COL6A6: variants seen among roughly 807,000 people sequenced by gnomAD.
COL6A6 encodes collagen alpha-6(VI) chain.
Under a neutral mutation model 208.6 loss-of-function variants are expected in COL6A6, and 183 were observed. The ratio of observed to expected loss-of-function variants is 0.88; its 90% confidence interval spans 0.78 to 0.99. The LOEUF is 0.99. Ranked by LOEUF, COL6A6 falls within the 50% of genes least tolerant of loss-of-function variation. COL6A6 has a pLI of 0.00. For missense variants in COL6A6, 2,816 were observed against 2,815.2 expected, an observed-to-expected ratio of 1.00 and a Z score of -0.01; for synonymous variants, 973 against 1,011.8, an observed-to-expected ratio of 0.96 and a Z score of 0.73.
chr3:130,634,978 T>C (rs1034733210), intron 27 of COL6A6, among the ~76,000 whole-genome samples: 2 of 152,218 alleles, frequency 1.3e-5, no homozygotes, highest in Non-Finnish European at 2.9e-5. Flanking sequence ...CTCATGCCTG[T>C]AATCCCAGCA....
At chr3:130,568,694 T>TA in intron 6 of COL6A6, 90 bp downstream of exon 6, 1 of 1,211,748 alleles carries the variant, frequency 8.3e-7, no homozygotes, top group Non-Finnish European at 1.1e-6. Context: ...TATTTACATA[T>TA]TGTAAACTTT....
At position 130,649,198 on chromosome 3, in the gene COL6A6, G is replaced by A. The variant is rs1475527039; in HGVS notation, c.5369G>A (p.Arg1790Gln). The change falls in exon 33 of 37, where the codon CGG (arginine) becomes CAG (glutamine). Residue 1790 changes from arginine (R) to glutamine (Q), a missense_variant. Transcript: ENST00000358511. ...TTCCTGGTGAGAGACATTAAGGTCCGGGAGAACAGCTGCCCCGTGGGAGCG... is the reference window on the plus strand; with the variant it reads ...TTCCTGGTGAGAGACATTAAGGTCCAGGAGAACAGCTGCCCCGTGGGAGCG... ...MAFLVRDIKV[R>Q]ENSCPVGAHI... 5 of 1,593,812 alleles carry A rather than the reference G, an allele frequency of 3.1e-6. No individual in the cohort carries two copies. The highest frequency in any genetic ancestry group is 2.3e-5 in the East Asian group (1 of 43,976).
At chr3:130,605,639 T>C (rs763039277) in intron 20 of COL6A6, among the ~76,000 whole-genome samples, 5 of 152,198 alleles carry the variant, frequency 3.3e-5, no homozygotes, top group Non-Finnish European at 7.3e-5. Flanking sequence ...AAAAATAAAA[T>C]AAAGACTTCT....
At chr3:130,671,155 A>T (rs2108492462) in intron 36 of COL6A6, among the ~76,000 whole-genome samples, 1 of 152,276 alleles carries the variant, frequency 6.6e-6, no homozygotes, top group African/African-American at 2.4e-5. Flanking sequence ...GAAGGAAGAA[A>T]GCTTTTTTCC....
intron 12 of COL6A6, among the ~76,000 whole-genome samples, chr3:130,589,730 C>G (rs2063628789): frequency 6.6e-6 from 1 of 152,172 alleles, no homozygotes; most frequent in Admixed American, 6.5e-5. Flanking sequence ...AACATTGATT[C>G]ATATATTTCC....
At chr3:130,644,233 G>A (rs2065400899) in intron 31 of COL6A6, among the ~76,000 whole-genome samples, 1 of 152,216 alleles carries the variant, frequency 6.6e-6, no homozygotes, top group African/African-American at 2.4e-5. Context: ...GCCAGGAAAG[G>A]CATTGCAAGG....
At chr3:130,552,330 G>A (rs2062661765) in intron 1 of COL6A6, among the ~76,000 whole-genome samples, 1 of 152,190 alleles carries the variant, frequency 6.6e-6, no homozygotes, top group African/African-American at 2.4e-5. Flanking sequence ...TGTTTTGGGT[G>A]CATACCTATT....
At chr3:130,516,820 A>C (rs1192962553), upstream of COL6A6, among the ~76,000 whole-genome samples, 1 of 152,168 alleles carries the variant, frequency 6.6e-6, no homozygotes, top group Non-Finnish European at 1.5e-5. Context: ...AATACAGGCA[A>C]AGCCGCCAAA....
At chr3:130,646,915 G>A (rs761390338) in intron 32 of COL6A6, among the ~76,000 whole-genome samples, 1 of 152,160 alleles carries the variant, frequency 6.6e-6, no homozygotes, top group Non-Finnish European at 1.5e-5. Context: ...AAGGGTGAAG[G>A]GTAGGAAATG....
At position 130,665,033 on chromosome 3, in the gene COL6A6, TAAAAATA is replaced by T. The variant is rs1407987984; in HGVS notation, c.6536_6542del (p.Lys2179SerfsTer8). ...ATCAACAAATATCCACCAATAAACT[TAAAAATA>T]AAGTGCAACAGACTTAACTCTATAG... On this transcript the variant is annotated frameshift_variant, in exon 36 of 37. Coordinates refer to ENST00000358511, the MANE Select transcript of COL6A6 (RefSeq NM_001102608.3). LOFTEE classifies it high-confidence loss of function. 3 of 1,608,176 alleles carry T rather than the reference TAAAAATA, an allele frequency of 1.9e-6. No homozygotes were observed. The highest frequency in any genetic ancestry group is 1.3e-5 in the African/African-American group (1 of 74,788).
chr3:130,652,563 C>T (rs966025113), intron 33 of COL6A6, among the ~76,000 whole-genome samples: 2 of 152,154 alleles, frequency 1.3e-5, no homozygotes, highest in African/African-American at 4.8e-5. Flanking sequence ...AAAAGGCCCA[C>T]CCTGACGCTG....
chr3:130,562,029 G>A (rs1224925437), intron 2 of COL6A6, among the ~76,000 whole-genome samples: 1 of 152,202 alleles, frequency 6.6e-6, no homozygotes, highest in Non-Finnish European at 1.5e-5. Context: ...AGAGTTAGCT[G>A]AAGGTAAAGT....
rs59562634 is a variant in COL6A6 at position 130,570,843 on chromosome 3, C to T, written c.2427C>T (p.Asp809=). The change falls in exon 7 of 37, where the codon GAC becomes GAT. Residue 809 remains aspartate, a synonymous_variant. Transcript: ENST00000358511. The stretch of plus-strand genomic sequence containing the variant: ...AATGCAAGCGGATTGAAGTTTTAGA[C>T]GTTGTGTTTGTCATTGATAGCTCTG... ...REECKRIEVL[D]VVFVIDSSGS... 21,368 of 1,612,376 alleles carry T rather than the reference C, an allele frequency of 0.013. 2,117 individuals are homozygous for T. The African/African-American group carries it at 0.24, about 18-fold the overall frequency.
At chr3:130,545,370 T>C (rs1367700399) in intron 1 of COL6A6, among the ~76,000 whole-genome samples, 1 of 152,166 alleles carries the variant, frequency 6.6e-6, no homozygotes, top group African/African-American at 2.4e-5. Flanking sequence ...ATTCAAACTT[T>C]CATGATTTCT....
intron 36 of COL6A6, among the ~76,000 whole-genome samples, chr3:130,671,383 T>A (rs1905686): frequency 6.6e-6 from 1 of 152,038 alleles, no homozygotes; most frequent in Non-Finnish European, 1.5e-5. Context: ...TCCTCTTTCG[T>A]CACACTGCCC....
At position 130,610,665 on chromosome 3, in the gene COL6A6, C is replaced by T. The variant is rs200858352; in HGVS notation, c.4769C>T (p.Ala1590Val). 2 of 1,591,148 alleles carry T rather than the reference C, an allele frequency of 1.3e-6. No individual in the cohort carries two copies. The highest frequency in any genetic ancestry group is 1.7e-6 in the Non-Finnish European group (2 of 1,167,994). ...LKGPQGPRGE[A>V]GVKGEKGGVG... ...TGTACTTAGGGCCCAAGAGGAGAGGCTGGTGTGAAAGGAGAAAAAGGAGGT... is the reference window on the plus strand; with the variant it reads ...TGTACTTAGGGCCCAAGAGGAGAGGTTGGTGTGAAAGGAGAAAAAGGAGGT... The change falls in exon 23 of 37, where the codon GCT (alanine) becomes GTT (valine). Residue 1590 changes from alanine to valine, a missense_variant. Transcript: ENST00000358511.
intron 31 of COL6A6, among the ~76,000 whole-genome samples, chr3:130,644,035 A>C (rs1489205132): frequency 1.3e-5 from 2 of 152,224 alleles, no homozygotes; most frequent in Non-Finnish European, 2.9e-5. Flanking sequence ...GGGCAAATCC[A>C]AGTATATTGA....
chr3:130,623,576 G>C (rs2064800772), intron 24 of COL6A6, among the ~76,000 whole-genome samples: 1 of 152,218 alleles, frequency 6.6e-6, no homozygotes, highest in Non-Finnish European at 1.5e-5. Context: ...GACTTAACTT[G>C]TGATGATTCC....
chr3:130,518,694 C>T (rs1428840145), intron 1 of COL6A6, among the ~76,000 whole-genome samples: 3 of 152,186 alleles, frequency 2.0e-5, no homozygotes, highest in East Asian at 3.9e-4. Flanking sequence ...TTAGTAGAGA[C>T]GGGGTTTCTC....
Sources: allele counts gnomAD v4.1 joint callset (sites outside exome capture counted in the v4.1 genomes callset), GRCh38; gene constraint gnomAD v4.1.1; transcripts MANE v1.5; gene names NCBI Gene and HGNC (gene_info 2026-07-23, HGNC 2026-07-21).